Variants in MYL1 observed in about 807,000 individuals in gnomAD.
MYL1 encodes myosin light chain 1/3, skeletal muscle isoform.
MYL1 carries 16 observed loss-of-function variants against 21.8 expected under a neutral mutation model. The observed-to-expected ratio is 0.74, with a 90% CI of 0.50 to 1.12. The LOEUF (loss-of-function observed/expected upper bound fraction) is 1.12, where lower values mean the gene tolerates loss of function less well. MYL1 is among the 50% of genes most tolerant of loss of function. The pLI, the probability that MYL1 is intolerant of heterozygous loss-of-function variation, is 0.00. For synonymous variants in MYL1, 99 were observed against 85.2 expected, an observed-to-expected ratio of 1.16 and a Z score of -0.89; for missense variants, 246 against 241.0, an observed-to-expected ratio of 1.02 and a Z score of -0.14.
intron 1 of MYL1, among the ~76,000 whole-genome samples, chr2:210,313,145 C>T (rs977824575): frequency 1.3e-5 from 2 of 151,958 alleles, no homozygotes; most frequent in African/African-American, 4.8e-5. Context: ...TTTATGTACT[C>T]ATTCTTACAC....
chr2:210,305,312 C>T (rs1012433377), intron 1 of MYL1, among the ~76,000 whole-genome samples: 1 of 151,776 alleles, frequency 6.6e-6, no homozygotes, highest in Non-Finnish European at 1.5e-5. Flanking sequence ...TAAACATTTT[C>T]GTAAATAGCT....
chr2:210,297,022 T>C (rs940492804), intron 3 of MYL1, among the ~76,000 whole-genome samples: 1 of 147,942 alleles, frequency 6.8e-6, no homozygotes, highest in African/African-American at 2.5e-5. Context: ...TGTGTACATA[T>C]ATATATATAT....
chr2:210,313,770 AT>A (rs1160663320), intron 1 of MYL1, among the ~76,000 whole-genome samples: 21 of 152,080 alleles, frequency 1.4e-4, no homozygotes, highest in Admixed American at 4.6e-4. Flanking sequence ...ATCTAACTAA[AT>A]ATTTTTGGGA....
At chr2:210,302,902 G>T (rs772800931) in intron 1 of MYL1, 55 of 1,174,434 alleles carry the variant, frequency 4.7e-5, no homozygotes, top group Non-Finnish European at 6.4e-5. Context: ...CTATGTAGGT[G>T]TCTTGGCATT....
chr2:210,314,795 C>A, intron 1 of MYL1, 116 bp downstream of exon 1: 1 of 1,136,246 alleles, frequency 8.8e-7, no homozygotes, highest in Admixed American at 2.2e-5. Context: ...CATAATCTAC[C>A]AGCTCACTAA....
intron 1 of MYL1, among the ~76,000 whole-genome samples, chr2:210,304,147 G>A (rs1690304725): frequency 6.6e-6 from 1 of 152,144 alleles, no homozygotes; most frequent in Admixed American, 6.5e-5. Context: ...GCACCCAAGT[G>A]ACAATCTGGT....
At chr2:210,302,445 T>C (rs1418376510) in intron 2 of MYL1, 43 bp downstream of exon 2, 13 of 1,581,790 alleles carry the variant, frequency 8.2e-6, no homozygotes, top group Non-Finnish European at 1.1e-5. Context: ...ACATGCCATC[T>C]TTATGAGTGT....
At chr2:210,300,390 G>C (rs1690246493) in intron 2 of MYL1, among the ~76,000 whole-genome samples, 1 of 152,066 alleles carries the variant, frequency 6.6e-6, no homozygotes, top group African/African-American at 2.4e-5. Flanking sequence ...CTGGTTGCCT[G>C]TTTCTTTTTA....
chr2:210,306,529 T>A (rs1279455940), intron 1 of MYL1, among the ~76,000 whole-genome samples: 1 of 152,220 alleles, frequency 6.6e-6, no homozygotes, highest in Non-Finnish European at 1.5e-5. Context: ...CATACCTTTA[T>A]CACATAGAGA....
Position 210,294,312 on chromosome 2 carries a change from A to G in MYL1, c.411T>C (p.Arg137=). 3.1e-6 allele frequency: 5 copies of G among 1,614,082 alleles called. No individual in the cohort carries two copies. The highest frequency in any genetic ancestry group is 4.2e-6 in the Non-Finnish European group (5 of 1,179,974). ...TGCCATTGCCTTCCTTGTCAAAGACACGCAGACCCTCAACAAAGTCTTCAT... is the reference window on the plus strand; with the variant it reads ...TGCCATTGCCTTCCTTGTCAAAGACGCGCAGACCCTCAACAAAGTCTTCAT... ...ATYEDFVEGL[R]VFDKEGNGTV... Residue 137 remains arginine, a synonymous_variant, in exon 4 of 7, where the codon CGT becomes CGC. Coordinates refer to ENST00000352451, the MANE Select transcript of MYL1 (RefSeq NM_079420.3).
At chr2:210,311,608 A>G (rs1690421029) in intron 1 of MYL1, among the ~76,000 whole-genome samples, 2 of 152,050 alleles carry the variant, frequency 1.3e-5, no homozygotes, top group Admixed American at 6.6e-5. Context: ...ACTGACATAT[A>G]ATGCATGCAT....
At chr2:210,306,932 T>C (rs1215583468) in intron 1 of MYL1, among the ~76,000 whole-genome samples, 2 of 151,994 alleles carry the variant, frequency 1.3e-5, no homozygotes, top group African/African-American at 2.4e-5. Flanking sequence ...ATTAATTGTA[T>C]AATATGAATA....
chr2:210,303,515 G>C, intron 1 of MYL1: 2 of 1,601,278 alleles, frequency 1.2e-6, no homozygotes, highest in Non-Finnish European at 1.7e-6. Flanking sequence ...TCCTATAAAT[G>C]ACAAATTATT....
intron 1 of MYL1, among the ~76,000 whole-genome samples, chr2:210,308,399 A>AATATAT (rs71043988): frequency 0.05 from 4,165 of 83,596 alleles, 224 homozygotes; most frequent in Middle Eastern, 0.058. Flanking sequence ...TACTTAGGCT[A>AATATAT]ATATATATAT....
At chr2:210,303,554 G>T (rs1690295904) in intron 1 of MYL1, 2 of 1,610,540 alleles carry the variant, frequency 1.2e-6, no homozygotes, top group African/African-American at 2.7e-5. Context: ...TGATGGAGCG[G>T]CTGGGCTGCA....
At chr2:210,304,031 A>C (rs1374837361) in intron 1 of MYL1, among the ~76,000 whole-genome samples, 1 of 152,198 alleles carries the variant, frequency 6.6e-6, no homozygotes, top group Non-Finnish European at 1.5e-5. Context: ...TTGGGGTTTC[A>C]AATGGCAACT....
chr2:210,303,282 G>A (rs1405644725), intron 1 of MYL1, among the ~76,000 whole-genome samples: 1 of 152,066 alleles, frequency 6.6e-6, no homozygotes, highest in African/African-American at 2.4e-5. Context: ...TAGATATAAT[G>A]AATCTTATGT....
chr2:210,295,826 GA>G (rs753119896), intron 3 of MYL1, among the ~76,000 whole-genome samples: 469 of 69,782 alleles, frequency 6.7e-3, no homozygotes, highest in South Asian at 0.019. Context: ...CCCTGCCTCA[GA>G]AAAAAAAAAA....
chr2:210,299,454 G>A (rs1690231228), intron 2 of MYL1, among the ~76,000 whole-genome samples: 1 of 152,072 alleles, frequency 6.6e-6, no homozygotes, highest in African/African-American at 2.4e-5. Flanking sequence ...ATCAATTTTA[G>A]TCACATTTTC....
Sources: allele counts gnomAD v4.1 joint callset (sites outside exome capture counted in the v4.1 genomes callset), GRCh38; gene constraint gnomAD v4.1.1; transcripts MANE v1.5; gene names NCBI Gene and HGNC (gene_info 2026-07-23, HGNC 2026-07-21).